The following ERC2 variants were observed in gnomAD, a reference collection of about 807,000 sequenced individuals.
ERC2 encodes ERC protein 2.
Under a neutral mutation model 114.8 loss-of-function variants are expected in ERC2, and 42 were observed. The observed-to-expected ratio is 0.37, with a 90% CI of 0.29 to 0.47. The LOEUF is 0.47. Among genes scored for constraint, ERC2 ranks in the 20% least tolerant of loss-of-function variants. The probability of loss-of-function intolerance (pLI) is 0.99; values close to 1 mark genes in which losing one functional copy is unlikely to be tolerated. For missense variants in ERC2, 939 were observed against 1,150.7 expected, an observed-to-expected ratio of 0.82 and a Z score of 2.66; for synonymous variants, 454 against 425.5, an observed-to-expected ratio of 1.07 and a Z score of -0.82.
At chr3:56,274,000 G>A (rs1204733892) in intron 3 of ERC2, among the ~76,000 whole-genome samples, 1 of 152,164 alleles carries the variant, frequency 6.6e-6, no homozygotes, top group Non-Finnish European at 1.5e-5. Context: ...ATAAATCACA[G>A]TTGTCTCTTG....
Position 56,059,279 on chromosome 3 carries a change from C to G in ERC2, c.1641+21538G>C, listed in dbSNP as rs540070068. On this transcript the variant is annotated intron_variant, in intron 7 of 17. Transcript: ENST00000288221. ...CTAATTTTTGTATTTTTAGTAGAGA[C>G]GGGGGTTTCACCTGTTGGCCACGGT... Among the ~76,000 whole-genome samples the G allele has an allele frequency of 1.4e-4, 22 of 151,964 alleles. 1 individual carries two copies. The South Asian group carries it at 3.3e-3, about 23-fold the overall frequency.
At chr3:55,650,826 T>C (rs897389008) in intron 17 of ERC2, among the ~76,000 whole-genome samples, 2 of 147,062 alleles carry the variant, frequency 1.4e-5, no homozygotes, top group African/African-American at 2.5e-5. Context: ...CCTTTGTGTC[T>C]GCCTCTCATA....
intron 2 of ERC2, among the ~76,000 whole-genome samples, chr3:56,331,336 A>AT (rs1479421901): frequency 6.6e-6 from 1 of 152,000 alleles, no homozygotes; most frequent in Non-Finnish European, 1.5e-5. Flanking sequence ...CCTCATAGTA[A>AT]TTTTCCACCC....
At chr3:56,237,083 C>A (rs889131893) in intron 3 of ERC2, among the ~76,000 whole-genome samples, 1 of 152,164 alleles carries the variant, frequency 6.6e-6, no homozygotes, top group Non-Finnish European at 1.5e-5. Context: ...TCTGCCCACT[C>A]TCCTCTCTCA....
At chr3:55,539,381 T>G (rs1357569200) in intron 17 of ERC2, among the ~76,000 whole-genome samples, 2 of 149,818 alleles carry the variant, frequency 1.3e-5, no homozygotes, top group Non-Finnish European at 3.0e-5. Context: ...TTTTATTTTC[T>G]TTTTTCTTTC....
At chr3:56,196,718 T>C (rs1463650141) in intron 3 of ERC2, among the ~76,000 whole-genome samples, 2 of 152,182 alleles carry the variant, frequency 1.3e-5, no homozygotes, top group East Asian at 3.8e-4. Flanking sequence ...ATAAACACTT[T>C]CATCATCTGT....
intron 7 of ERC2, 109 bp downstream of exon 7, chr3:56,080,708 C>T: frequency 9.0e-7 from 1 of 1,114,570 alleles, no homozygotes; most frequent in Non-Finnish European, 1.3e-6. Context: ...TCAGCCTATT[C>T]TTCCTAAAGA....
At chr3:56,125,670 C>T (rs2079825926) in intron 6 of ERC2, among the ~76,000 whole-genome samples, 1 of 152,176 alleles carries the variant, frequency 6.6e-6, no homozygotes, top group Non-Finnish European at 1.5e-5. Context: ...ATCCAAATTA[C>T]CCTCTCATAA....
intron 4 of ERC2, among the ~76,000 whole-genome samples, chr3:56,167,974 T>C (rs2082409567): frequency 1.3e-5 from 2 of 152,188 alleles, no homozygotes; most frequent in Admixed American, 1.3e-4. Context: ...ATGAGCTGCC[T>C]CTACCCATTC....
chr3:56,370,125 A>C (rs2059307734), intron 2 of ERC2, among the ~76,000 whole-genome samples: 1 of 152,224 alleles, frequency 6.6e-6, no homozygotes, highest in Non-Finnish European at 1.5e-5. Flanking sequence ...CTCCAAAATA[A>C]GGCCACCCTT....
chr3:55,715,531 T>C (rs1446439337), intron 15 of ERC2, among the ~76,000 whole-genome samples: 5 of 151,292 alleles, frequency 3.3e-5, no homozygotes, highest in Admixed American at 3.3e-4. Flanking sequence ...CATAAAGGAG[T>C]GGATTAAAAA....
intron 14 of ERC2, among the ~76,000 whole-genome samples, chr3:55,818,777 C>A (rs1467834934): frequency 6.6e-6 from 1 of 152,202 alleles, no homozygotes; most frequent in Admixed American, 6.5e-5. Flanking sequence ...TTTAAAGTGC[C>A]TCCAAACTCA....
chr3:55,554,230 A>G (rs569039145), intron 17 of ERC2, among the ~76,000 whole-genome samples: 1 of 152,144 alleles, frequency 6.6e-6, no homozygotes, highest in Non-Finnish European at 1.5e-5. Context: ...CAGTTGTTCC[A>G]TCTGTAAAGT....
At chr3:56,231,041 C>G (rs1026384249) in intron 3 of ERC2, among the ~76,000 whole-genome samples, 4 of 152,212 alleles carry the variant, frequency 2.6e-5, no homozygotes, top group African/African-American at 7.2e-5. Context: ...ACTATTATTA[C>G]TCCCATTTTA....
At chr3:55,801,450 T>G (rs1308930333) in intron 14 of ERC2, among the ~76,000 whole-genome samples, 1 of 152,216 alleles carries the variant, frequency 6.6e-6, no homozygotes, top group Admixed American at 6.5e-5. Context: ...CTTGAACAAT[T>G]TCTATGGAAA....
intron 3 of ERC2, among the ~76,000 whole-genome samples, chr3:56,245,137 C>T (rs1206059502): frequency 1.3e-5 from 2 of 151,818 alleles, no homozygotes; most frequent in Middle Eastern, 3.4e-3. Context: ...TCACATTTCT[C>T]AGAACATTGC....
rs796572356 is a variant in ERC2 at position 56,348,928 on chromosome 3, GAAGGAAGGAAGGAAGGAAGGA to G, written c.658-52514_658-52494del. ...GGAAAGAAGGAAGGAAGGAAGGAAG[GAAGGAAGGAAGGAAGGAAGGA>G]AGGAAGGAAAGAAAGAAAGAAGGAA... On this transcript the variant is annotated intron_variant, in intron 2 of 17. Coordinates refer to ENST00000288221, the MANE Select transcript of ERC2 (RefSeq NM_015576.3). 5.5e-3 allele frequency among the ~76,000 whole-genome samples: 787 copies of G among 142,842 alleles called. 11 individuals carry two copies. The highest frequency in any genetic ancestry group is 0.019 in the African/African-American group (697 of 36,626). The allele number at this position is 142,842 out of a possible 152,430, so 93.7% of individuals were successfully genotyped here.
intron 5 of ERC2, among the ~76,000 whole-genome samples, chr3:56,145,350 G>A (rs12492164): frequency 0.011 from 1,689 of 152,270 alleles, 117 homozygotes; most frequent in Admixed American, 0.088. Context: ...ATGAGTAGAT[G>A]AAAAATGTGC....
At chr3:56,390,048 C>T (rs939966437) in intron 2 of ERC2, among the ~76,000 whole-genome samples, 8 of 152,012 alleles carry the variant, frequency 5.3e-5, no homozygotes, top group Admixed American at 1.3e-4. Context: ...AAACCAGTGA[C>T]GGCCAACAAA....
Sources: allele counts gnomAD v4.1 joint callset (sites outside exome capture counted in the v4.1 genomes callset), GRCh38; gene constraint gnomAD v4.1.1; transcripts MANE v1.5; gene names NCBI Gene and HGNC (gene_info 2026-07-23, HGNC 2026-07-21).